The following DDX43 variants were observed in gnomAD, a reference collection of about 807,000 sequenced individuals.
The protein encoded by DDX43 is DEAD-box helicase 43.
In DDX43, 50 loss-of-function variants were observed where a neutral mutation model predicts 84.9. The observed-to-expected ratio is 0.59, with a 90% CI of 0.47 to 0.75. The LOEUF is 0.75. DDX43 is among the 30% of genes least tolerant of loss of function. DDX43 has a pLI of 0.00. For synonymous variants in DDX43, 291 were observed against 266.3 expected (o/e 1.09, Z -0.90); for missense variants, 689 against 798.6 (o/e 0.86, Z 1.65).
chr6:73,402,471 C>T (rs1234460893), intron 4 of DDX43, among the ~76,000 whole-genome samples: 10 of 152,222 alleles, frequency 6.6e-5, no homozygotes, highest in Non-Finnish European at 1.2e-4. Context: ...TGAGATCTCA[C>T]TATCCTGTCC....
intron 15 of DDX43, 76 bp downstream of exon 15, chr6:73,415,660 T>C (rs1341884044): frequency 1.9e-6 from 2 of 1,049,664 alleles, no homozygotes; most frequent in Non-Finnish European, 2.8e-6. Context: ...TATGGCTTGC[T>C]ATTTATCAGG....
chr6:73,398,452 A>G (rs1237564311), intron 2 of DDX43, among the ~76,000 whole-genome samples: 1 of 151,456 alleles, frequency 6.6e-6, no homozygotes, highest in African/African-American at 2.4e-5. Flanking sequence ...GGGTTTCACC[A>G]TGTTGGCCAG....
At chr6:73,411,333 C>CTTTT (rs55782182) in intron 10 of DDX43, among the ~76,000 whole-genome samples, 1 of 141,202 alleles carries the variant, frequency 7.1e-6, no homozygotes, top group African/African-American at 2.6e-5. Flanking sequence ...TCTTTTCTTT[C>CTTTT]TTTTTTTTTT....
At chr6:73,414,138 G>C in intron 13 of DDX43, 59 bp downstream of exon 13, 1 of 1,038,248 alleles carries the variant, frequency 9.6e-7, no homozygotes, top group Non-Finnish European at 1.5e-6. Context: ...CCTGGGCTTG[G>C]CTGAGTAACA....
intron 3 of DDX43, among the ~76,000 whole-genome samples, chr6:73,401,255 G>A (rs1769563358): frequency 1.3e-5 from 2 of 152,160 alleles, no homozygotes; most frequent in African/African-American, 2.4e-5. Flanking sequence ...TGGTATTACA[G>A]GAGTGAGCTA....
chr6:73,409,495 G>A, intron 10 of DDX43, 147 bp downstream of exon 10: 1 of 671,358 alleles, frequency 1.5e-6, no homozygotes, highest in East Asian at 2.7e-5. Context: ...AAGTAGAACA[G>A]TGTAACAATA....
Position 73,402,118 on chromosome 6 carries a change from C to T in DDX43, c.568+128C>T, listed in dbSNP as rs1309376278. ...GAAAATAGTAAAATCTAAAATGCTGCAATTAGTCCCTAGGTTATGATAGTT... is the reference window on the plus strand; with the variant it reads ...GAAAATAGTAAAATCTAAAATGCTGTAATTAGTCCCTAGGTTATGATAGTT... On this transcript the variant is annotated intron_variant, in intron 4 of 16. Transcript: ENST00000370336. 8.7e-6 allele frequency: 10 copies of T among 1,144,382 alleles called. No homozygotes were observed. The Admixed American group carries it at 2.5e-4, about 28-fold the overall frequency. The allele number at this position is 1,144,382 out of a possible 1,614,324, so 70.9% of individuals were successfully genotyped here. A position where few individuals can be genotyped will look rare whatever the true frequency, so the allele number is the denominator to read the frequency against.
Position 73,395,635 on chromosome 6 carries a change from G to A in DDX43, c.250+480G>A, listed in dbSNP as rs532030173. On this transcript the variant is annotated intron_variant, in intron 1 of 16. Transcript: ENST00000370336. ...TCTCAATTAAAAAAAAAAAAAAAAA[G>A]TAATTTAATCCACCTTTTGGTGTTT... is the stretch of plus-strand genomic sequence containing the variant. Among the ~76,000 whole-genome samples, 768 of 147,996 alleles carry A rather than the reference G, an allele frequency of 5.2e-3. 7 individuals are homozygous for A. Among genetic ancestry groups the A allele is most frequent in the African/African-American group, 0.018 (726 of 39,732 alleles).
intron 3 of DDX43, among the ~76,000 whole-genome samples, chr6:73,401,179 C>A (rs1353681260): frequency 1.3e-5 from 2 of 152,018 alleles, no homozygotes; most frequent in African/African-American, 4.8e-5. Flanking sequence ...GGGGTTTCAC[C>A]ACGTTGCCTA....
Position 73,405,778 on chromosome 6 carries a change from TC to T in DDX43, c.752del (p.Pro251LeufsTer30). The T allele has an allele frequency of 1.2e-6, 2 of 1,614,140 alleles. No individual in the cohort carries two copies. The highest frequency in any genetic ancestry group is 1.7e-6 in the Non-Finnish European group (2 of 1,180,002). On this transcript the variant is annotated frameshift_variant, in exon 6 of 17. Coordinates refer to ENST00000370336, the MANE Select transcript of DDX43 (RefSeq NM_018665.3). LOFTEE classifies it high-confidence loss of function. Reference sequence around the variant, plus strand: ...CATTTGATGACGCCTTTCAATGTTATCCTGAGGTTATGGAAAACATTAAAAA... The same window carrying T: ...CATTTGATGACGCCTTTCAATGTTATCTGAGGTTATGGAAAACATTAAAAA... ...CTFDDAFQCY[P>X]EVMENIKKAG... is the part of the protein sequence containing the mutation.
At chr6:73,397,857 C>G in intron 2 of DDX43, 113 bp downstream of exon 2, 1 of 933,416 alleles carries the variant, frequency 1.1e-6, no homozygotes, top group African/African-American at 1.6e-5. Context: ...GGCTGGAGTG[C>G]AGTGACGTGA....
intron 10 of DDX43, among the ~76,000 whole-genome samples, chr6:73,411,788 C>T (rs1769789398): frequency 1.3e-5 from 2 of 152,186 alleles, no homozygotes; most frequent in Non-Finnish European, 2.9e-5. Context: ...ACCTCCGCCT[C>T]CTGGGCTCAA....
rs1247656563 is a variant in DDX43, at chr6:73,407,512, G to A, written c.934G>A (p.Gly312Ser). ...IHLVLQPSLKGQRNRPGMLVL... is the reference protein window; with the variant it reads ...IHLVLQPSLKSQRNRPGMLVL... ...TCTGTTTTCTCTCCAAAGCCTTAAA[G>A]GTCAAAGGAATAGACCCGGCATGTT... The change falls in exon 8 of 17, where the codon GGT becomes AGT. Residue 312 changes from glycine (G) to serine (S), a missense_variant. Transcript: ENST00000370336. 2 of 1,608,534 alleles carry A rather than the reference G, an allele frequency of 1.2e-6. No individual in the cohort carries two copies. Among genetic ancestry groups the A allele is most frequent in the Non-Finnish European group, 8.5e-7 (1 of 1,175,330 alleles).
At chr6:73,411,529 A>G (rs1208699638) in intron 10 of DDX43, among the ~76,000 whole-genome samples, 1 of 151,526 alleles carries the variant, frequency 6.6e-6, no homozygotes, top group African/African-American at 2.4e-5. Context: ...GACTTTCCCC[A>G]TGTTGACCAG....
At position 73,400,250 on chromosome 6, in the gene DDX43, C is replaced by T. The variant is rs776901081; in HGVS notation, c.323C>T (p.Pro108Leu). The T allele has an allele frequency of 1.2e-6, 2 of 1,603,594 alleles. No individual in the cohort carries two copies. Among genetic ancestry groups the T allele is most frequent in the Admixed American group, 1.7e-5 (1 of 57,786 alleles). ...TGTACCTAGATAATACAAGAACAAC[C>T]AGAATCATTAGTCAAAATTTTTGGC... The part of the protein sequence containing the change: ...NTTIQIIQEQ[P>L]ESLVKIFGSK... The change falls in exon 3 of 17, where the codon CCA (proline) becomes CTA (leucine). Residue 108 changes from proline to leucine, a missense_variant. By Grantham distance (98) the Pro-to-Leu change is moderately conservative. Coordinates refer to ENST00000370336, the MANE Select transcript of DDX43 (RefSeq NM_018665.3).
intron 1 of DDX43, among the ~76,000 whole-genome samples, chr6:73,396,344 G>A (rs1397314821): frequency 6.6e-6 from 1 of 152,060 alleles, no homozygotes; most frequent in Non-Finnish European, 1.5e-5. Context: ...TTACCTATTA[G>A]GTGTATTTCA....
Position 73,401,845 on chromosome 6 carries a change from A to G in DDX43, c.437-14A>G. ...AAATAGAAAAAAACTAATCGATACA[A>G]ATGTTTTTAACAGATACTGCATTCC... is the stretch of plus-strand genomic sequence containing the variant. On this transcript the variant is annotated splice_polypyrimidine_tract_variant and intron_variant, in intron 3 of 16. Coordinates refer to ENST00000370336, the MANE Select transcript of DDX43 (RefSeq NM_018665.3). The G allele has an allele frequency of 6.3e-7, 1 of 1,595,402 alleles. No individual in the cohort carries two copies. Among genetic ancestry groups the G allele is most frequent in the South Asian group, 1.2e-5 (1 of 86,248 alleles).
intron 4 of DDX43, among the ~76,000 whole-genome samples, chr6:73,403,659 T>C (rs1402747888): frequency 6.6e-6 from 1 of 152,146 alleles, no homozygotes; most frequent in Non-Finnish European, 1.5e-5. Context: ...TTAATTTTTA[T>C]TAAATTTTTT....
chr6:73,404,803 A>G (rs1158851708), intron 5 of DDX43, 32 bp downstream of exon 5: 1 of 1,528,582 alleles, frequency 6.5e-7, no homozygotes, highest in Non-Finnish European at 9.0e-7. Flanking sequence ...TTGTGTAAGT[A>G]TTTGTATAGT....
Sources: gnomAD v4.1 joint callset for allele counts (sites outside exome capture counted in the v4.1 genomes callset) on GRCh38, gnomAD v4.1.1 for gene constraint, MANE v1.5 for transcripts, NCBI Gene and HGNC (gene_info 2026-07-23, HGNC 2026-07-21) for gene names.